ETV5: variants seen among roughly 807,000 people sequenced by gnomAD.
ETV5 encodes ETS variant transcription factor 5.
A neutral mutation model predicts 70.0 loss-of-function variants in ETV5; 10 were observed. That is an observed-to-expected ratio of 0.14 (90% CI 0.09 to 0.24). The LOEUF (loss-of-function observed/expected upper bound fraction) is 0.24. ETV5 is among the 10% of genes least tolerant of loss of function. ETV5 has a pLI of 1.00. For missense variants in ETV5, 453 were observed against 651.2 expected (o/e 0.70, Z 3.31); for synonymous variants, 216 against 242.2 (o/e 0.89, Z 1.01).
At chr3:186,059,745 T>C (rs1222734209) in intron 9 of ETV5, among the ~76,000 whole-genome samples, 1 of 152,194 alleles carries the variant, frequency 6.6e-6, no homozygotes, top group Non-Finnish European at 1.5e-5. Context: ...TCTTATATCC[T>C]CCACCAAAGA....
At chr3:186,059,182 ACT>A (rs952265180) in intron 9 of ETV5, among the ~76,000 whole-genome samples, 1 of 151,734 alleles carries the variant, frequency 6.6e-6, no homozygotes, top group Non-Finnish European at 1.5e-5. Context: ...GACTGAAGAA[ACT>A]CTGCACAACT....
intron 9 of ETV5, among the ~76,000 whole-genome samples, chr3:186,059,587 C>A (rs1360518875): frequency 1.3e-5 from 2 of 152,212 alleles, no homozygotes; most frequent in Non-Finnish European, 2.9e-5. Flanking sequence ...TTCAACTGAT[C>A]TATTTCTCTA....
intron 9 of ETV5, among the ~76,000 whole-genome samples, chr3:186,060,950 C>A (rs906160461): frequency 6.6e-6 from 1 of 152,218 alleles, no homozygotes. Context: ...TCAGGAACCT[C>A]AAAGAGCCCC....
intron 5 of ETV5, among the ~76,000 whole-genome samples, chr3:186,095,552 A>G (rs780853952): frequency 5.3e-5 from 8 of 152,318 alleles, no homozygotes; most frequent in Non-Finnish European, 1.0e-4. Flanking sequence ...CCCCAGAACC[A>G]TTCCCTTCTA....
intron 1 of ETV5, among the ~76,000 whole-genome samples, chr3:186,107,957 C>T (rs1475543879): frequency 1.3e-5 from 2 of 151,546 alleles, no homozygotes; most frequent in South Asian, 2.1e-4. Context: ...CCCCTCACCC[C>T]AGCGTTTTAG....
At chr3:186,051,294 C>T (rs1338630423) in intron 12 of ETV5, among the ~76,000 whole-genome samples, 1 of 152,216 alleles carries the variant, frequency 6.6e-6, no homozygotes, top group Non-Finnish European at 1.5e-5. Flanking sequence ...TGGCTACTGC[C>T]AGGTAGACTG....
intron 7 of ETV5, among the ~76,000 whole-genome samples, chr3:186,076,818 T>C (rs774865071): frequency 1.3e-5 from 2 of 151,994 alleles, no homozygotes; most frequent in African/African-American, 4.8e-5. Flanking sequence ...GTTAAGCACA[T>C]GGGTTTGGAT....
chr3:186,093,957 C>T (rs778411546), intron 5 of ETV5, among the ~76,000 whole-genome samples: 11 of 152,136 alleles, frequency 7.2e-5, no homozygotes, highest in African/African-American at 1.9e-4. Flanking sequence ...GGACCTGTTG[C>T]GGGCCTTTGG....
At chr3:186,056,970 A>G in intron 11 of ETV5, 105 bp downstream of exon 11, 1 of 1,332,574 alleles carries the variant, frequency 7.5e-7, no homozygotes, top group South Asian at 1.4e-5. Context: ...ATGAATGAGA[A>G]GCAAGAGCAG....
intron 5 of ETV5, among the ~76,000 whole-genome samples, chr3:186,085,811 C>G (rs1417836665): frequency 6.6e-6 from 1 of 152,092 alleles, no homozygotes; most frequent in South Asian, 2.1e-4. Flanking sequence ...TACCCGGCAG[C>G]CTTCACTTTT....
Position 186,105,395 on chromosome 3 carries a change from T to TAAA in ETV5, c.182-43_182-41dup, listed in dbSNP as rs769858054. 1 of 1,611,376 alleles carries TAAA rather than the reference T, an allele frequency of 6.2e-7. No individual in the cohort carries two copies. Among genetic ancestry groups the TAAA allele is most frequent in the South Asian group, 1.1e-5 (1 of 90,266 alleles). ...TTTATTTTAGACCTTTAAGTTTTATTAAAAAGCACAGTAAAATGTTTTATA... is the reference window on the plus strand; with the variant it reads ...TTTATTTTAGACCTTTAAGTTTTATTAAAAAAAAGCACAGTAAAATGTTTTATA... On this transcript the variant is annotated intron_variant, in intron 4 of 12. Transcript: ENST00000306376. The surrounding 1 kb of genome is among the most constrained non-coding windows in gnomAD (Gnocchi z 4.5).
Position 186,066,082 on chromosome 3 carries a change from G to C in ETV5, c.651-10C>G, listed in dbSNP as rs1691715100. 6.4e-7 allele frequency: 1 copy of C among 1,556,724 alleles called. No individual in the cohort carries two copies. ...CAGTTGTCTCTGAAATCTGTAAGAA[G>C]AAAGAGGTTTTCATGTTGAACAAAG... On this transcript the variant is annotated splice_polypyrimidine_tract_variant and intron_variant, in intron 7 of 12. Transcript: ENST00000306376.
intron 7 of ETV5, chr3:186,079,421 C>CA: frequency 4.1e-6 from 1 of 245,244 alleles, no homozygotes; most frequent in Non-Finnish European, 7.8e-6. Context: ...GCAATTGTCC[C>CA]TTATATGTAA....
Position 186,048,553 on chromosome 3 carries a change from C to A in ETV5, c.*86G>T. The A allele has an allele frequency of 1.5e-6, 2 of 1,296,420 alleles. No homozygotes were observed. The highest frequency in any genetic ancestry group is 1.3e-5 in the South Asian group (1 of 77,996). 80.3% of individuals were successfully genotyped at this position (1,296,420 alleles called of 1,614,324 possible). ...CTCAAAGGGCAAGCTTTAGGAACAA[C>A]CAAAAACACAAACAAAACCACTGCC... On this transcript the variant is annotated 3_prime_UTR_variant, in exon 13 of 13. Coordinates refer to ENST00000306376, the MANE Select transcript of ETV5 (RefSeq NM_004454.3).
chr3:186,107,989 T>A, intron 1 of ETV5, among the ~76,000 whole-genome samples: 1 of 144,260 alleles, frequency 6.9e-6, no homozygotes, highest in Non-Finnish European at 1.5e-5. Context: ...AATGCTTCAT[T>A]CACAAAAAGG....
intron 7 of ETV5, among the ~76,000 whole-genome samples, chr3:186,077,224 A>G (rs562690383): frequency 6.6e-6 from 1 of 152,302 alleles, no homozygotes; most frequent in East Asian, 1.9e-4. Flanking sequence ...TGTATTAGGG[A>G]TTTCGTTTTG....
chr3:186,048,652 C>G lies in ETV5; in HGVS notation c.1520G>C (p.Gly507Ala). The G allele has an allele frequency of 6.2e-7, 1 of 1,614,144 alleles. No homozygotes were observed. The highest frequency in any genetic ancestry group is 8.5e-7 in the Non-Finnish European group (1 of 1,180,000). ...CCACTCAGAAACTTAGTAAGCAAAG[C>G]CTTCGGCATAGGGGAGGCTGCTGCA... ...DRCSSLPYAEGFAY is the reference protein window; with the variant it reads ...DRCSSLPYAEAFAY Residue 507 changes from glycine to alanine, a missense_variant, in exon 13 of 13, where the codon GGC becomes GCC. Gly to Ala is a moderately conservative substitution (Grantham distance 60). Coordinates refer to ENST00000306376, the MANE Select transcript of ETV5 (RefSeq NM_004454.3).
chr3:186,050,740 G>C (rs1487074124), intron 12 of ETV5, among the ~76,000 whole-genome samples: 1 of 152,162 alleles, frequency 6.6e-6, no homozygotes, highest in Non-Finnish European at 1.5e-5. Flanking sequence ...GTGGGGGGTA[G>C]TAACAAGAAA....
chr3:186,093,650 G>GT (rs1714238582), intron 5 of ETV5, among the ~76,000 whole-genome samples: 1 of 152,224 alleles, frequency 6.6e-6, no homozygotes, highest in Admixed American at 6.5e-5. Flanking sequence ...TAACCCACAG[G>GT]TTGGACAGTA....
Sources: allele counts gnomAD v4.1 joint callset (sites outside exome capture counted in the v4.1 genomes callset), GRCh38; gene constraint gnomAD v4.1.1; non-coding constraint Gnocchi (gnomAD v3.1); transcripts MANE v1.5; gene names NCBI Gene and HGNC (gene_info 2026-07-23, HGNC 2026-07-21).